HCN1: variants seen among roughly 807,000 people sequenced by gnomAD.
HCN1 encodes the protein hyperpolarization activated cyclic nucleotide gated potassium channel 1, also known as potassium/sodium hyperpolarization-activated cyclic nucleotide-gated channel 1.
A neutral mutation model predicts 78.9 loss-of-function variants in HCN1; 13 were observed. That is an observed-to-expected ratio of 0.16 (90% CI 0.11 to 0.26). The LOEUF (loss-of-function observed/expected upper bound fraction) is 0.26. Ranked by LOEUF, HCN1 falls within the 10% of genes least tolerant of loss-of-function variation. The pLI is 1.00. For synonymous variants in HCN1, 552 were observed against 455.5 expected, an observed-to-expected ratio of 1.21 and a Z score of -2.70; for missense variants, 810 against 1,154.3, an observed-to-expected ratio of 0.70 and a Z score of 4.32.
chr5:45,510,855 C>T (rs890542544), intron 2 of HCN1, among the ~76,000 whole-genome samples: 5 of 151,630 alleles, frequency 3.3e-5, no homozygotes, highest in African/African-American at 1.2e-4. Context: ...ACATCTGACT[C>T]TAGGGACCTT....
At chr5:45,356,526 C>A (rs1391982420) in intron 4 of HCN1, among the ~76,000 whole-genome samples, 2 of 151,890 alleles carry the variant, frequency 1.3e-5, no homozygotes, top group East Asian at 1.9e-4. Flanking sequence ...AAGCAATATG[C>A]TTGTTCCCGT....
chr5:45,396,443 G>C, intron 4 of HCN1, 49 bp downstream of exon 4: 2 of 1,404,016 alleles, frequency 1.4e-6, no homozygotes, highest in Non-Finnish European at 2.0e-6. Context: ...TCAATTTACT[G>C]GTTCAGGTTA....
At chr5:45,290,091 C>A (rs534176976) in intron 6 of HCN1, among the ~76,000 whole-genome samples, 1 of 151,994 alleles carries the variant, frequency 6.6e-6, no homozygotes, top group Admixed American at 6.6e-5. Context: ...CAGTGAATAA[C>A]TGTCACGAGA....
intron 2 of HCN1, among the ~76,000 whole-genome samples, chr5:45,544,211 AATGT>A (rs1431511780): frequency 6.6e-6 from 1 of 152,126 alleles, no homozygotes; most frequent in Non-Finnish European, 1.5e-5. Context: ...AATAAAAAAT[AATGT>A]ATGTACAGAT....
At chr5:45,527,805 A>G (rs1742769954) in intron 2 of HCN1, among the ~76,000 whole-genome samples, 1 of 151,702 alleles carries the variant, frequency 6.6e-6, no homozygotes, top group African/African-American at 2.4e-5. Context: ...ATTTTTTTAT[A>G]TTTTCATTTG....
At chr5:45,582,048 T>C (rs1744088411) in intron 2 of HCN1, among the ~76,000 whole-genome samples, 1 of 152,206 alleles carries the variant, frequency 6.6e-6, no homozygotes, top group African/African-American at 2.4e-5. Flanking sequence ...GTTTTTCCAA[T>C]TCTGTGAAGA....
intron 2 of HCN1, among the ~76,000 whole-genome samples, chr5:45,585,706 G>T (rs550992258): frequency 4.2e-4 from 64 of 152,226 alleles, no homozygotes; most frequent in African/African-American, 1.5e-3. Context: ...GGGTTTTGGT[G>T]TGGATGTCCT....
chr5:45,292,794 C>G (rs1745407233), intron 6 of HCN1, among the ~76,000 whole-genome samples: 1 of 151,910 alleles, frequency 6.6e-6, no homozygotes, highest in African/African-American at 2.4e-5. Context: ...GAAAATATAT[C>G]TATCCATTCA....
intron 6 of HCN1, among the ~76,000 whole-genome samples, chr5:45,293,736 T>A (rs116838717): frequency 1.3e-3 from 203 of 152,132 alleles, no homozygotes; most frequent in African/African-American, 4.7e-3. Flanking sequence ...CATTTATAAA[T>A]GACTTTATAA....
chr5:45,361,168 A>G (rs1747099350), intron 4 of HCN1, among the ~76,000 whole-genome samples: 1 of 152,100 alleles, frequency 6.6e-6, no homozygotes, highest in Non-Finnish European at 1.5e-5. Flanking sequence ...CCTCAGCTGT[A>G]GCTGAGATTA....
intron 3 of HCN1, among the ~76,000 whole-genome samples, chr5:45,398,171 A>G (rs1443912034): frequency 6.6e-6 from 1 of 152,074 alleles, no homozygotes; most frequent in Admixed American, 6.6e-5. Flanking sequence ...TTAACTTATC[A>G]TGCCAATCTG....
intron 5 of HCN1, among the ~76,000 whole-genome samples, chr5:45,343,235 A>C (rs1561114882): frequency 6.6e-6 from 1 of 152,196 alleles, no homozygotes; most frequent in Non-Finnish European, 1.5e-5. Flanking sequence ...GAGGGACTGG[A>C]AGATGAGCTT....
chr5:45,266,863 C>G (rs1744869452), intron 7 of HCN1, among the ~76,000 whole-genome samples: 1 of 152,066 alleles, frequency 6.6e-6, no homozygotes, highest in Non-Finnish European at 1.5e-5. Flanking sequence ...TGCACGCCAC[C>G]ACACCCGGCT....
chr5:45,360,696 G>A (rs1443024509), intron 4 of HCN1, among the ~76,000 whole-genome samples: 1 of 151,794 alleles, frequency 6.6e-6, no homozygotes, highest in Admixed American at 6.6e-5. Context: ...AAGTCACATA[G>A]TCTTTACATA....
At chr5:45,373,050 A>C (rs940615271) in intron 4 of HCN1, among the ~76,000 whole-genome samples, 3 of 136,388 alleles carry the variant, frequency 2.2e-5, no homozygotes, top group Non-Finnish European at 3.1e-5. Context: ...TATAAAATAT[A>C]ATATATATAA....
At chr5:45,349,611 A>C (rs1357687622) in intron 5 of HCN1, among the ~76,000 whole-genome samples, 1 of 152,170 alleles carries the variant, frequency 6.6e-6, no homozygotes, top group Non-Finnish European at 1.5e-5. Context: ...GATCAACAAA[A>C]TTGATAGACC....
intron 3 of HCN1, among the ~76,000 whole-genome samples, chr5:45,424,675 A>G (rs1433042765): frequency 2.6e-5 from 4 of 152,054 alleles, no homozygotes; most frequent in Non-Finnish European, 5.9e-5. Context: ...GCACTTTCCT[A>G]TTATATATAT....
intron 4 of HCN1, among the ~76,000 whole-genome samples, chr5:45,372,089 ATATATATATTT>A: frequency 1.7e-5 from 1 of 59,060 alleles, no homozygotes; most frequent in Non-Finnish European, 2.7e-5. Flanking sequence ...TAATATAATT[ATATATATATTT>A]TATATATAAT....
At chr5:45,382,062 C>A (rs941069497) in intron 4 of HCN1, among the ~76,000 whole-genome samples, 1 of 152,146 alleles carries the variant, frequency 6.6e-6, no homozygotes, top group Non-Finnish European at 1.5e-5. Context: ...CCCATCTCAG[C>A]GGCTGTGTAC....
Sources: allele counts gnomAD v4.1 joint callset (sites outside exome capture counted in the v4.1 genomes callset), GRCh38; gene constraint gnomAD v4.1.1; transcripts MANE v1.5; gene names NCBI Gene and HGNC (gene_info 2026-07-23, HGNC 2026-07-21).